Variants in PIK3CB observed in about 807,000 individuals in gnomAD.
PIK3CB encodes the protein phosphatidylinositol 4,5-bisphosphate 3-kinase catalytic subunit beta isoform.
Under a neutral mutation model 136.8 loss-of-function variants are expected in PIK3CB, and 39 were observed. The observed-to-expected ratio is 0.29, with a 90% CI of 0.22 to 0.37. The LOEUF (loss-of-function observed/expected upper bound fraction) is 0.37. Among genes scored for constraint, PIK3CB ranks in the 10% least tolerant of loss-of-function variants. The probability of loss-of-function intolerance (pLI) is 1.00; values close to 1 mark genes in which losing one functional copy is unlikely to be tolerated. For synonymous variants in PIK3CB, 428 were observed against 436.6 expected, an observed-to-expected ratio of 0.98 and a Z score of 0.25; for missense variants, 868 against 1,275.4, an observed-to-expected ratio of 0.68 and a Z score of 4.87.
chr3:138,785,986 C>G (rs2045978286), intron 2 of PIK3CB, among the ~76,000 whole-genome samples: 1 of 152,008 alleles, frequency 6.6e-6, no homozygotes, highest in Non-Finnish European at 1.5e-5. Context: ...TAAAATACAG[C>G]TACACACATC....
Position 138,654,975 on chromosome 3 carries a change from C to T in PIK3CB, c.*414G>A, listed in dbSNP as rs2043167454. 4.4e-6 allele frequency: 1 copy of T among 226,618 alleles called. No individual in the cohort carries two copies. Among genetic ancestry groups the T allele is most frequent in the East Asian group, 6.4e-5 (1 of 15,516 alleles). 14.0% of individuals were successfully genotyped at this position (226,618 alleles called of 1,614,324 possible). A position where few individuals can be genotyped will look rare whatever the true frequency, so the allele number is the denominator to read the frequency against. ...GCCTTTCTTTTTAGCTTCATTTGGA[C>T]AGTAAGAACAGCCACCAACCCCCAG... On this transcript the variant is annotated 3_prime_UTR_variant, in exon 24 of 24. Coordinates refer to ENST00000674063, the MANE Select transcript of PIK3CB (RefSeq NM_006219.3).
At chr3:138,704,753 C>T (rs959468229) in intron 11 of PIK3CB, among the ~76,000 whole-genome samples, 6 of 151,972 alleles carry the variant, frequency 3.9e-5, no homozygotes, top group Non-Finnish European at 7.4e-5. Flanking sequence ...TACCAGCTAG[C>T]ATATATATGT....
intron 2 of PIK3CB, among the ~76,000 whole-genome samples, chr3:138,786,628 G>A (rs932219809): frequency 5.3e-5 from 8 of 152,124 alleles, no homozygotes; most frequent in Admixed American, 3.3e-4. Context: ...TTACAGGCAT[G>A]AGCCACCGTG....
intron 15 of PIK3CB, among the ~76,000 whole-genome samples, chr3:138,689,554 G>A (rs935333771): frequency 4.6e-5 from 7 of 152,248 alleles, no homozygotes; most frequent in African/African-American, 1.4e-4. Context: ...GCCTCCCAAA[G>A]TGCTGGGAAC....
rs1356043314 is a variant in PIK3CB at position 138,712,193 on chromosome 3, GA to G, written c.1399+14del. 3.0e-6 allele frequency: 4 copies of G among 1,318,378 alleles called. No homozygotes were observed. Among genetic ancestry groups the G allele is most frequent in the Non-Finnish European group, 4.3e-6 (4 of 922,422 alleles). 81.7% of individuals were successfully genotyped at this position (1,318,378 alleles called of 1,614,324 possible). On this transcript the variant is annotated intron_variant, in intron 10 of 23. Transcript: ENST00000674063. Reference sequence around the variant, plus strand: ...AGTTATGCTTTAACACTAAGGATAAGAATGTAAATCTTACCAGGAAATGAAG... The same window carrying G: ...AGTTATGCTTTAACACTAAGGATAAGATGTAAATCTTACCAGGAAATGAAG...
At chr3:138,712,397 G>T in intron 9 of PIK3CB, 93 bp from the exon 10 acceptor site, 1 of 505,698 alleles carries the variant, frequency 2.0e-6, no homozygotes. Flanking sequence ...GTTAGTTCTA[G>T]AAAGTTCTGG....
chr3:138,774,655 T>G (rs1316588175), intron 2 of PIK3CB, among the ~76,000 whole-genome samples: 2 of 152,210 alleles, frequency 1.3e-5, no homozygotes, highest in Non-Finnish European at 2.9e-5. Flanking sequence ...GAGTGAGTCA[T>G]GAGCCAAATT....
chr3:138,686,694 A>C (rs1341681442), intron 16 of PIK3CB, among the ~76,000 whole-genome samples: 2 of 152,254 alleles, frequency 1.3e-5, no homozygotes, highest in African/African-American at 2.4e-5. Context: ...TTGAAATTCC[A>C]TGAACAAGAG....
chr3:138,708,807 T>G (rs2044434099), intron 10 of PIK3CB, among the ~76,000 whole-genome samples: 1 of 152,126 alleles, frequency 6.6e-6, no homozygotes, highest in South Asian at 2.1e-4. Flanking sequence ...GTTTCATACT[T>G]CTGCTCTCTA....
At chr3:138,741,404 A>C (rs549335567) in intron 5 of PIK3CB, among the ~76,000 whole-genome samples, 1 of 152,382 alleles carries the variant, frequency 6.6e-6, no homozygotes. Context: ...ATGAAAAATA[A>C]GCCATACCAG....
chr3:138,801,435 T>G (rs1410472909), intron 1 of PIK3CB, among the ~76,000 whole-genome samples: 2 of 152,102 alleles, frequency 1.3e-5, no homozygotes, highest in African/African-American at 4.8e-5. Flanking sequence ...TGTTTATAGT[T>G]GAAAACAGTC....
chr3:138,703,125 G>A lies in PIK3CB; in HGVS notation c.1581+1318C>T, dbSNP rs116173615. Among the ~76,000 whole-genome samples the A allele has an allele frequency of 9.9e-3, 1,505 of 152,302 alleles. 34 individuals are homozygous for A. The highest frequency in any genetic ancestry group is 0.035 in the African/African-American group (1,442 of 41,556). On this transcript the variant is annotated intron_variant, in intron 12 of 23. Coordinates refer to ENST00000674063, the MANE Select transcript of PIK3CB (RefSeq NM_006219.3). ...GTCCCAAACTGGCCCAGAGCCTTTC[G>A]TAAACTGTAAAGACTAGGAGTCTGG... is the stretch of plus-strand genomic sequence containing the variant.
chr3:138,827,556 C>T (rs979293943), intron 1 of PIK3CB, among the ~76,000 whole-genome samples: 4 of 151,534 alleles, frequency 2.6e-5, no homozygotes, highest in African/African-American at 9.7e-5. Flanking sequence ...GCCTATAGTA[C>T]TATTAATAAC....
chr3:138,681,271 C>T (rs547499148), intron 19 of PIK3CB, among the ~76,000 whole-genome samples: 35 of 152,196 alleles, frequency 2.3e-4, no homozygotes, highest in African/African-American at 7.0e-4. Context: ...GTCTCAAACT[C>T]CTGACCTCAA....
In PIK3CB at chr3:138,653,091, G is replaced by C. The variant is rs1258360213; in HGVS notation, c.*2298C>G. ...TAAATCATTGCGGATATAAATGAAA[G>C]ATAATCTAAATAAATGGGTACTCCA... On this transcript the variant is annotated 3_prime_UTR_variant, in exon 24 of 24. Transcript: ENST00000674063. 4 of 188,664 alleles carry C rather than the reference G, an allele frequency of 2.1e-5. No homozygotes were observed. 11.7% of individuals were successfully genotyped at this position (188,664 alleles called of 1,614,324 possible).
chr3:138,687,273 T>C (rs562572180), intron 16 of PIK3CB, among the ~76,000 whole-genome samples: 2 of 151,924 alleles, frequency 1.3e-5, no homozygotes, highest in Admixed American at 1.3e-4. Flanking sequence ...TTCATACATA[T>C]ATCATCCTTT....
At chr3:138,684,144 C>A (rs1180662993) in intron 17 of PIK3CB, among the ~76,000 whole-genome samples, 1 of 152,184 alleles carries the variant, frequency 6.6e-6, no homozygotes, top group African/African-American at 2.4e-5. Context: ...TGAGACCATT[C>A]TTGATTTCTT....
At chr3:138,784,135 T>C (rs982990280) in intron 2 of PIK3CB, among the ~76,000 whole-genome samples, 7 of 152,204 alleles carry the variant, frequency 4.6e-5, no homozygotes, top group African/African-American at 1.7e-4. Flanking sequence ...CTCACGCCTG[T>C]AATCCCAACA....
At chr3:138,672,679 A>T (rs1027639060) in intron 19 of PIK3CB, among the ~76,000 whole-genome samples, 7 of 152,084 alleles carry the variant, frequency 4.6e-5, no homozygotes, top group Non-Finnish European at 8.8e-5. Context: ...TGGGAGATGG[A>T]GCCAGGCGGA....
Sources: gnomAD v4.1 joint callset for allele counts (sites outside exome capture counted in the v4.1 genomes callset) on GRCh38, gnomAD v4.1.1 for gene constraint, MANE v1.5 for transcripts, NCBI Gene and HGNC (gene_info 2026-07-23, HGNC 2026-07-21) for gene names.